The following UMAD1 variants were observed in gnomAD, a reference collection of about 807,000 sequenced individuals.
UMAD1 encodes UBAP1-MVB12-associated (UMA)-domain containing protein 1.
In UMAD1, 8 loss-of-function variants were observed where a neutral mutation model predicts 6.1. That is an observed-to-expected ratio of 1.30 (90% confidence interval 0.76 to 2.35). The LOEUF (loss-of-function observed/expected upper bound fraction) is 2.35. Among genes scored for constraint, UMAD1 ranks in the 30% most tolerant of loss-of-function variants. UMAD1 has a pLI of 0.00. For synonymous variants in UMAD1, 56 were observed against 31.4 expected (o/e 1.78, Z -2.61); for missense variants, 130 against 78.4 (o/e 1.66, Z -2.49).
At chr7:7,836,914 C>T (rs771416262) in intron 3 of UMAD1, among the ~76,000 whole-genome samples, 1 of 147,492 alleles carries the variant, frequency 6.8e-6, no homozygotes, top group African/African-American at 2.5e-5. Context: ...GGGGCAGGGA[C>T]AATATATGAA....
chr7:7,814,134 A>C (rs766983497), intron 3 of UMAD1, among the ~76,000 whole-genome samples: 6 of 151,794 alleles, frequency 4.0e-5, no homozygotes, highest in African/African-American at 7.3e-5. Context: ...CAGGCACCCA[A>C]CACCACGCCC....
At chr7:7,695,130 A>G (rs28912709) in intron 2 of UMAD1, among the ~76,000 whole-genome samples, 4 of 152,148 alleles carry the variant, frequency 2.6e-5, no homozygotes, top group African/African-American at 9.7e-5. Flanking sequence ...GCTTTCTCTG[A>G]TGATCAGTAA....
At chr7:7,763,048 T>A (rs1019824107) in intron 2 of UMAD1, among the ~76,000 whole-genome samples, 3 of 152,112 alleles carry the variant, frequency 2.0e-5, no homozygotes, top group Admixed American at 6.6e-5. Context: ...GAAATAAATA[T>A]CCTGAAATTC....
At chr7:7,681,593 C>G (rs749551139) in intron 2 of UMAD1, among the ~76,000 whole-genome samples, 1 of 152,072 alleles carries the variant, frequency 6.6e-6, no homozygotes, top group Non-Finnish European at 1.5e-5. Flanking sequence ...AATAGCTATT[C>G]CTTCATTCAG....
chr7:7,660,777 T>C (rs973640704), intron 1 of UMAD1, among the ~76,000 whole-genome samples: 3 of 152,174 alleles, frequency 2.0e-5, no homozygotes, highest in Admixed American at 6.5e-5. Context: ...CAATTATGTG[T>C]CTTGAGGTTG....
At position 7,758,846 on chromosome 7, in the gene UMAD1, C is replaced by G. The variant is rs1029731626; in HGVS notation, c.83-42824C>G. The stretch of plus-strand genomic sequence containing the variant: ...TCCGAGTGGTGGGCATTTGTGGACA[C>G]TCTCTCTCTCCCCACCCTGTTAGAG... On this transcript the variant is annotated intron_variant, in intron 2 of 3. Transcript: ENST00000682710. Among the ~76,000 whole-genome samples the G allele has an allele frequency of 2.0e-5, 3 of 151,948 alleles. No homozygotes were observed. In the East Asian group the frequency reaches 5.8e-4, roughly 29 times the overall value.
At chr7:7,666,128 A>T (rs899305617) in intron 1 of UMAD1, among the ~76,000 whole-genome samples, 3 of 152,190 alleles carry the variant, frequency 2.0e-5, no homozygotes, top group African/African-American at 7.2e-5. Context: ...CCACAAGTGT[A>T]CAAGAGTTCC....
At chr7:7,778,016 G>T (rs1317857285) in intron 2 of UMAD1, among the ~76,000 whole-genome samples, 1 of 152,124 alleles carries the variant, frequency 6.6e-6, no homozygotes, top group African/African-American at 2.4e-5. Context: ...CCCAAGTGGG[G>T]CATTGCAGAA....
At chr7:7,732,621 T>C (rs1039140389) in intron 2 of UMAD1, among the ~76,000 whole-genome samples, 1 of 152,198 alleles carries the variant, frequency 6.6e-6, no homozygotes, top group Non-Finnish European at 1.5e-5. Flanking sequence ...TTCCACCTCA[T>C]TGAAAACATT....
At chr7:7,826,067 A>G (rs1438634189) in intron 3 of UMAD1, among the ~76,000 whole-genome samples, 1 of 152,120 alleles carries the variant, frequency 6.6e-6, no homozygotes, top group East Asian at 1.9e-4. Flanking sequence ...TTTTTTTCTA[A>G]TAATTTTGAT....
chr7:7,658,645 A>T (rs972444510), intron 1 of UMAD1, among the ~76,000 whole-genome samples: 5 of 152,202 alleles, frequency 3.3e-5, no homozygotes, highest in African/African-American at 1.2e-4. Flanking sequence ...CCAGCCTTGC[A>T]TCCCATTGAT....
At chr7:7,792,007 C>T (rs576707153) in intron 2 of UMAD1, among the ~76,000 whole-genome samples, 61 of 152,298 alleles carry the variant, frequency 4.0e-4, no homozygotes, top group Non-Finnish European at 6.5e-4. Context: ...TTTTTATTAG[C>T]TCTTAGTGAG....
At chr7:7,775,103 A>G (rs958789252) in intron 2 of UMAD1, among the ~76,000 whole-genome samples, 6 of 152,140 alleles carry the variant, frequency 3.9e-5, no homozygotes, top group Non-Finnish European at 8.8e-5. Context: ...TTTTCCAAAG[A>G]CTGATTTGAG....
intron 2 of UMAD1, among the ~76,000 whole-genome samples, chr7:7,722,991 TTGTC>T (rs1241932695): frequency 6.6e-6 from 1 of 152,128 alleles, no homozygotes; most frequent in African/African-American, 2.4e-5. Flanking sequence ...CTTTCCACCT[TTGTC>T]TGAGGAGATA....
chr7:7,813,931 A>G (rs1233715617), intron 3 of UMAD1, among the ~76,000 whole-genome samples: 1 of 152,124 alleles, frequency 6.6e-6, no homozygotes, highest in Non-Finnish European at 1.5e-5. Flanking sequence ...CAACTACATT[A>G]GATAGTTTCC....
chr7:7,835,604 A>T (rs1783553838), intron 3 of UMAD1, among the ~76,000 whole-genome samples: 2 of 151,086 alleles, frequency 1.3e-5, no homozygotes, highest in Admixed American at 1.3e-4. Flanking sequence ...TAATTCTAAT[A>T]GTAGTAAGTG....
chr7:7,674,150 A>G (rs1563109091), intron 2 of UMAD1, among the ~76,000 whole-genome samples: 1 of 152,102 alleles, frequency 6.6e-6, no homozygotes, highest in Non-Finnish European at 1.5e-5. Flanking sequence ...TGTGGTTCTC[A>G]TCCTTTTCCA....
intron 3 of UMAD1, among the ~76,000 whole-genome samples, chr7:7,840,994 C>A (rs1054196819): frequency 6.6e-6 from 1 of 152,156 alleles, no homozygotes; most frequent in African/African-American, 2.4e-5. Flanking sequence ...GCTAAGACAG[C>A]TGGTTGCTAT....
intron 2 of UMAD1, among the ~76,000 whole-genome samples, chr7:7,686,416 T>C (rs1031176200): frequency 1.3e-5 from 2 of 152,206 alleles, no homozygotes; most frequent in Non-Finnish European, 2.9e-5. Flanking sequence ...GTTTTGTTTT[T>C]TTGTATTTTT....
Sources: gnomAD v4.1 joint callset for allele counts (sites outside exome capture counted in the v4.1 genomes callset) on GRCh38, gnomAD v4.1.1 for gene constraint, MANE v1.5 for transcripts, NCBI Gene and HGNC (gene_info 2026-07-23, HGNC 2026-07-21) for gene names.